The following UBR1 variants were observed in gnomAD, a reference collection of about 807,000 sequenced individuals.
UBR1 encodes the protein ubiquitin protein ligase E3 component n-recognin 1, also known as E3 ubiquitin-protein ligase UBR1.
UBR1 carries 102 observed loss-of-function variants against 242.1 expected under a neutral mutation model. That is an observed-to-expected ratio of 0.42 (90% confidence interval 0.36 to 0.50). UBR1 has a LOEUF of 0.50. UBR1 is among the 20% of genes least tolerant of loss of function. The probability of loss-of-function intolerance (pLI) is 0.01; values close to 1 mark genes in which losing one functional copy is unlikely to be tolerated. For synonymous variants in UBR1, 675 were observed against 684.8 expected (o/e 0.99, Z 0.22); for missense variants, 1,772 against 2,101.8 (o/e 0.84, Z 3.07).
At chr15:43,075,241 G>A (rs944373856) in intron 3 of UBR1, 152 bp from the exon 4 acceptor site, 20 of 726,560 alleles carry the variant, frequency 2.8e-5, no homozygotes, top group Non-Finnish European at 4.3e-5. Context: ...AACCATTTTC[G>A]ATTAGTTACC....
chr15:42,984,261 A>G (rs1042614282), intron 36 of UBR1, among the ~76,000 whole-genome samples: 3 of 152,236 alleles, frequency 2.0e-5, no homozygotes, highest in African/African-American at 4.8e-5. Context: ...TGTTTTCCCC[A>G]GAGCTGAGCA....
chr15:43,013,576 G>A (rs559026153), intron 29 of UBR1, among the ~76,000 whole-genome samples: 7 of 152,306 alleles, frequency 4.6e-5, no homozygotes, highest in African/African-American at 1.4e-4. Flanking sequence ...AAATAATAAT[G>A]TGAAATAAGT....
intron 5 of UBR1, 75 bp downstream of exon 5, chr15:43,070,720 A>C (rs1246628285): frequency 6.3e-7 from 1 of 1,593,842 alleles, no homozygotes; most frequent in Non-Finnish European, 8.5e-7. Context: ...AAATAACAAA[A>C]ACAATTATCA....
chr15:43,087,496 T>C (rs2034052141), intron 1 of UBR1, among the ~76,000 whole-genome samples: 1 of 152,180 alleles, frequency 6.6e-6, no homozygotes, highest in Non-Finnish European at 1.5e-5. Context: ...TTTGATTACA[T>C]ATAAGGCTTT....
At chr15:43,051,568 T>G (rs1348380537) in intron 12 of UBR1, among the ~76,000 whole-genome samples, 3 of 151,886 alleles carry the variant, frequency 2.0e-5, no homozygotes, top group African/African-American at 7.3e-5. Flanking sequence ...ACCCCTGAAC[T>G]CAAAATAAAA....
chr15:42,970,162 C>T (rs1170319360), intron 40 of UBR1, among the ~76,000 whole-genome samples: 2 of 152,142 alleles, frequency 1.3e-5, no homozygotes, highest in Admixed American at 1.3e-4. Flanking sequence ...ACCAATGGAA[C>T]AGAACAGAGG....
At chr15:43,011,432 A>G (rs563586537) in intron 29 of UBR1, among the ~76,000 whole-genome samples, 9 of 152,336 alleles carry the variant, frequency 5.9e-5, no homozygotes, top group African/African-American at 2.2e-4. Context: ...ATAAGTCAGT[A>G]AGACAAGAGG....
chr15:43,025,476 C>T (rs1477735814), intron 23 of UBR1, 47 bp from the exon 24 acceptor site: 1 of 1,418,138 alleles, frequency 7.1e-7, no homozygotes, highest in Non-Finnish European at 9.9e-7. Flanking sequence ...AAGCATGAAA[C>T]AAATGAAATA....
At chr15:43,072,533 A>G (rs2033835384) in intron 4 of UBR1, among the ~76,000 whole-genome samples, 1 of 152,150 alleles carries the variant, frequency 6.6e-6, no homozygotes, top group Non-Finnish European at 1.5e-5. Flanking sequence ...TTCTTCCCTA[A>G]ATTCCTTGGT....
intron 29 of UBR1, among the ~76,000 whole-genome samples, chr15:43,008,774 C>T (rs920579576): frequency 2.0e-5 from 3 of 152,202 alleles, no homozygotes; most frequent in African/African-American, 7.2e-5. Flanking sequence ...CAGCCAGACT[C>T]ACATGGAGAC....
intron 27 of UBR1, among the ~76,000 whole-genome samples, chr15:43,019,240 T>C (rs2033071431): frequency 6.6e-6 from 1 of 152,024 alleles, no homozygotes; most frequent in Admixed American, 6.6e-5. Flanking sequence ...GTTTTTTGTA[T>C]TTTTAGTAGA....
intron 30 of UBR1, among the ~76,000 whole-genome samples, chr15:43,005,628 T>C (rs1477775827): frequency 1.3e-5 from 2 of 152,186 alleles, no homozygotes; most frequent in Non-Finnish European, 2.9e-5. Context: ...ATGATGACGA[T>C]GGCGGTTTTG....
At chr15:43,015,130 G>A (rs1396926385) in intron 29 of UBR1, among the ~76,000 whole-genome samples, 3 of 152,206 alleles carry the variant, frequency 2.0e-5, no homozygotes, top group Non-Finnish European at 4.4e-5. Context: ...CCACCACCCC[G>A]TCTGGGAGGT....
Position 42,960,635 on chromosome 15 carries a change from T to G in UBR1, c.4757+10A>C, listed in dbSNP as rs768940805. 2.5e-6 allele frequency: 4 copies of G among 1,613,936 alleles called. No individual in the cohort carries two copies. In the East Asian group the frequency reaches 6.7e-5, roughly 27 times the overall value. On this transcript the variant is annotated intron_variant, in intron 43 of 46. Coordinates refer to ENST00000290650, the MANE Select transcript of UBR1 (RefSeq NM_174916.3). ...GGATGAGGGAGAAAGGATTAAGTAGTAAAACCAACCTGACCACGGTGTTTT... is the reference window on the plus strand; with the variant it reads ...GGATGAGGGAGAAAGGATTAAGTAGGAAAACCAACCTGACCACGGTGTTTT...
At chr15:42,975,572 T>C (rs970158847) in intron 39 of UBR1, among the ~76,000 whole-genome samples, 7 of 152,212 alleles carry the variant, frequency 4.6e-5, no homozygotes, top group Admixed American at 3.9e-4. Context: ...TAAATGCACA[T>C]GTAATTTTGC....
chr15:42,989,125 C>A (rs1016284684), intron 34 of UBR1, among the ~76,000 whole-genome samples, 158 bp from the exon 35 acceptor site: 4 of 152,100 alleles, frequency 2.6e-5, no homozygotes, highest in Non-Finnish European at 5.9e-5. Context: ...AAGATTTATT[C>A]AGTTGGAAAA....
chr15:43,098,349 C>T (rs1408289797), intron 1 of UBR1, among the ~76,000 whole-genome samples: 1 of 152,096 alleles, frequency 6.6e-6, no homozygotes, highest in East Asian at 1.9e-4. Context: ...GTGAGAATTA[C>T]CAAAATGTGA....
chr15:42,955,636 T>C lies in UBR1; in HGVS notation c.4835+2377A>G, dbSNP rs554304132. On this transcript the variant is annotated intron_variant, in intron 44 of 46. Transcript: ENST00000290650. ...AATACATAGTTACATCAACAGAAGTTTTGGCTTAGTATTTTCAAGACATAA... is the reference window on the plus strand; with the variant it reads ...AATACATAGTTACATCAACAGAAGTCTTGGCTTAGTATTTTCAAGACATAA... 1.8e-4 allele frequency among the ~76,000 whole-genome samples: 27 copies of C among 152,268 alleles called. No homozygotes were observed. In the South Asian group the frequency reaches 5.6e-3, roughly 32 times the overall value.
At chr15:42,958,171 T>C in intron 43 of UBR1, 81 bp from the exon 44 acceptor site, 3 of 975,450 alleles carry the variant, frequency 3.1e-6, no homozygotes, top group Non-Finnish European at 3.3e-6. Context: ...TAGAAGAATG[T>C]CTTAAAAATA....
Sources: gnomAD v4.1 joint callset for allele counts (sites outside exome capture counted in the v4.1 genomes callset) on GRCh38, gnomAD v4.1.1 for gene constraint, MANE v1.5 for transcripts, NCBI Gene and HGNC (gene_info 2026-07-23, HGNC 2026-07-21) for gene names.